The following PRR16 variants were observed in gnomAD, a reference collection of about 807,000 sequenced individuals.
PRR16 encodes the protein proline rich 16.
Under a neutral mutation model 18.2 loss-of-function variants are expected in PRR16, and 6 were observed. That is an observed-to-expected ratio of 0.33 (90% CI 0.18 to 0.65). PRR16 has a LOEUF of 0.65. Ranked by LOEUF, PRR16 falls within the 30% of genes least tolerant of loss-of-function variation. The pLI, the probability that PRR16 is intolerant of heterozygous loss-of-function variation, is 0.74. For missense variants in PRR16, 412 were observed against 376.6 expected (o/e 1.09, Z -0.78); for synonymous variants, 151 against 147.8 (o/e 1.02, Z -0.16).
intron 1 of PRR16, among the ~76,000 whole-genome samples, chr5:120,610,877 GTTGGA>G (rs945722225): frequency 1.3e-5 from 2 of 152,176 alleles, no homozygotes; most frequent in Admixed American, 6.5e-5. Flanking sequence ...AGGCAGAGAG[GTTGGA>G]ACAGTTTGGA....
chr5:120,669,229 A>G (rs1756505551), intron 1 of PRR16, among the ~76,000 whole-genome samples: 1 of 152,090 alleles, frequency 6.6e-6, no homozygotes, highest in Non-Finnish European at 1.5e-5. Flanking sequence ...CAGTGTTTGA[A>G]TATCTGTAAA....
intron 1 of PRR16, among the ~76,000 whole-genome samples, chr5:120,501,574 C>T (rs1283170597): frequency 6.6e-6 from 1 of 152,082 alleles, no homozygotes; most frequent in African/African-American, 2.4e-5. Flanking sequence ...AAGATATTTA[C>T]ATTAAGATGG....
chr5:120,773,900 A>T, the PRR16 span, among the ~76,000 whole-genome samples: 1 of 152,292 alleles, frequency 6.6e-6, no homozygotes, highest in South Asian at 2.1e-4. Context: ...CAGCCTTTAT[A>T]TTGAATATTA....
At chr5:120,526,878 C>G (rs1056386148) in intron 1 of PRR16, among the ~76,000 whole-genome samples, 1 of 152,114 alleles carries the variant, frequency 6.6e-6, no homozygotes, top group Non-Finnish European at 1.5e-5. Context: ...TATGAGCCAT[C>G]ACTCCCAGCC....
At chr5:120,539,045 C>A (rs1464582676) in intron 1 of PRR16, among the ~76,000 whole-genome samples, 1 of 152,056 alleles carries the variant, frequency 6.6e-6, no homozygotes, top group Non-Finnish European at 1.5e-5. Context: ...TACTTGGGCT[C>A]CTGAGAAAAC....
At chr5:120,755,866 A>G in the PRR16 span, among the ~76,000 whole-genome samples, 26 of 152,264 alleles carry the variant, frequency 1.7e-4, 1 homozygote, top group Admixed American at 1.3e-3. Flanking sequence ...ATGAAAGCAC[A>G]GATTTACTGA....
intron 1 of PRR16, among the ~76,000 whole-genome samples, chr5:120,668,173 T>A (rs1318672173): frequency 1.3e-5 from 2 of 151,488 alleles, no homozygotes; most frequent in Non-Finnish European, 3.0e-5. Context: ...GATAGTTAGC[T>A]CTTCTTGTTG....
intron 1 of PRR16, among the ~76,000 whole-genome samples, chr5:120,552,538 T>A (rs1752286558): frequency 6.6e-6 from 1 of 151,970 alleles, no homozygotes; most frequent in Non-Finnish European, 1.5e-5. Flanking sequence ...TTTCTGATTA[T>A]ATATAGATTA....
intron 1 of PRR16, among the ~76,000 whole-genome samples, chr5:120,615,669 T>C (rs1754487661): frequency 6.6e-6 from 1 of 152,112 alleles, no homozygotes; most frequent in African/African-American, 2.4e-5. Context: ...TGTATGATAA[T>C]TAAATAATGC....
intron 1 of PRR16, among the ~76,000 whole-genome samples, chr5:120,616,342 G>A (rs1754510052): frequency 6.6e-6 from 1 of 152,148 alleles, no homozygotes; most frequent in Admixed American, 6.6e-5. Context: ...ATTGAGTGCA[G>A]CCTCACAGGC....
the PRR16 span, among the ~76,000 whole-genome samples, chr5:120,692,902 A>T: frequency 1.3e-5 from 2 of 152,164 alleles, no homozygotes; most frequent in Non-Finnish European, 2.9e-5. Context: ...ACCAACAGGC[A>T]TTTTTAATTT....
intron 1 of PRR16, among the ~76,000 whole-genome samples, chr5:120,677,797 G>A (rs1756846736): frequency 6.6e-6 from 1 of 151,224 alleles, no homozygotes; most frequent in African/African-American, 2.4e-5. Context: ...GTAAGATTTA[G>A]GTTCTAAATG....
the PRR16 span, among the ~76,000 whole-genome samples, chr5:120,716,585 G>T: frequency 2.0e-5 from 3 of 152,148 alleles, no homozygotes; most frequent in Admixed American, 2.0e-4. Flanking sequence ...CTTAACACAT[G>T]GTCCTTGGGG....
chr5:120,699,179 A>C, the PRR16 span, among the ~76,000 whole-genome samples: 1 of 152,026 alleles, frequency 6.6e-6, no homozygotes, highest in Non-Finnish European at 1.5e-5. Context: ...CCTGAGGAGT[A>C]GTAGAATAGC....
the PRR16 span, among the ~76,000 whole-genome samples, chr5:120,766,729 A>G: frequency 3.3e-5 from 5 of 151,980 alleles, no homozygotes; most frequent in Admixed American, 6.6e-5. Flanking sequence ...GGTATACAAT[A>G]GATGATTATA....
At chr5:120,654,421 T>C (rs1280478178) in intron 1 of PRR16, among the ~76,000 whole-genome samples, 2 of 151,988 alleles carry the variant, frequency 1.3e-5, no homozygotes, top group Non-Finnish European at 2.9e-5. Flanking sequence ...TAATGGCCTT[T>C]TTTTCCCTAG....
chr5:120,572,764 A>G (rs1003840236), intron 1 of PRR16, among the ~76,000 whole-genome samples: 5 of 152,200 alleles, frequency 3.3e-5, no homozygotes, highest in African/African-American at 1.2e-4. Context: ...ATAGGTCATG[A>G]AGTAGAAGAA....
Position 120,554,289 on chromosome 5 carries a change from T to TTTA in PRR16, c.159+89645_159+89647dup. On this transcript the variant is annotated intron_variant, in intron 1 of 1. Transcript: ENST00000407149. ...TTTGCTTGTCACATTTACAAGATCATTTACAAGATTACCATCTGAAATGGT... is the reference window on the plus strand; with the variant it reads ...TTTGCTTGTCACATTTACAAGATCATTTATTACAAGATTACCATCTGAAATGGT... Among the ~76,000 whole-genome samples the TTTA allele has an allele frequency of 1.3e-5, 2 of 151,960 alleles. 1 individual carries two copies. The highest frequency in any genetic ancestry group is 4.1e-4 in the South Asian group (2 of 4,824).
intron 1 of PRR16, among the ~76,000 whole-genome samples, chr5:120,511,089 T>A (rs970906681): frequency 6.6e-6 from 1 of 152,176 alleles, no homozygotes; most frequent in Non-Finnish European, 1.5e-5. Flanking sequence ...CAAAGCAGAA[T>A]GTCAGTGTAT....
Sources: allele counts gnomAD v4.1 joint callset (sites outside exome capture counted in the v4.1 genomes callset), GRCh38; gene constraint gnomAD v4.1.1; transcripts MANE v1.5; gene names NCBI Gene and HGNC (gene_info 2026-07-23, HGNC 2026-07-21).